Variants in GRAMD1B observed in about 807,000 individuals in gnomAD.
GRAMD1B encodes the protein protein Aster-B.
In GRAMD1B, 37 loss-of-function variants were observed where a neutral mutation model predicts 99.7. The observed-to-expected ratio is 0.37, with a 90% CI of 0.29 to 0.49. The LOEUF (loss-of-function observed/expected upper bound fraction) is 0.49. GRAMD1B is among the 20% of genes least tolerant of loss of function. The pLI is 0.98. For synonymous variants in GRAMD1B, 427 were observed against 387.6 expected, an observed-to-expected ratio of 1.10 and a Z score of -1.19; for missense variants, 888 against 1,009.2, an observed-to-expected ratio of 0.88 and a Z score of 1.63.
At position 123,513,578 on chromosome 11, in the gene GRAMD1B, T is replaced by TTTCCTTCCTTCCTTCCTTCCTTCC. The variant is rs779709381; in HGVS notation, c.452+32704_452+32727dup. On this transcript the variant is annotated intron_variant, in intron 2 of 19. Coordinates refer to ENST00000635736, the MANE Select transcript of GRAMD1B (RefSeq NM_001387025.1). ...TTTCCTTCCTTCCTTCCTTCCTTCC[T>TTTCCTTCCTTCCTTCCTTCCTTCC]TTCCTTCCTTCCTTCCTTCCTTCCT... Among the ~76,000 whole-genome samples, 41 of 41,686 alleles carry TTTCCTTCCTTCCTTCCTTCCTTCC rather than the reference T, an allele frequency of 9.8e-4. 1 individual carries two copies. The highest frequency in any genetic ancestry group is 9.3e-3 in the South Asian group (8 of 862). The allele number at this position is 41,686 out of a possible 152,430, so 27.3% of individuals were successfully genotyped here. A position where few individuals can be genotyped will look rare whatever the true frequency, so the allele number is the denominator to read the frequency against.
chr11:123,421,911 T>C (rs2136031603), intron 1 of GRAMD1B, among the ~76,000 whole-genome samples: 1 of 152,320 alleles, frequency 6.6e-6, no homozygotes, highest in Middle Eastern at 3.4e-3. Flanking sequence ...AAACAAATGA[T>C]TTGAATTATA....
chr11:123,528,136 A>C (rs1017701107), intron 2 of GRAMD1B, among the ~76,000 whole-genome samples: 2 of 152,120 alleles, frequency 1.3e-5, no homozygotes, highest in African/African-American at 4.8e-5. Context: ...TCCCTTTGGC[A>C]GTATCCCAAC....
chr11:123,610,309 C>G lies in GRAMD1B; in HGVS notation c.1890C>G (p.Thr630=), dbSNP rs1159435322. 2 of 1,613,934 alleles carry G rather than the reference C, an allele frequency of 1.2e-6. No individual in the cohort carries two copies. Among genetic ancestry groups the G allele is most frequent in the Non-Finnish European group, 1.7e-6 (2 of 1,179,826 alleles). Reference sequence around the variant, plus strand: ...ACACAATCAATCGCTACACGCTCACCCGTGTGGCTCGGAACAAGAGCCGAC... The same window carrying G: ...ACACAATCAATCGCTACACGCTCACGCGTGTGGCTCGGAACAAGAGCCGAC... ...YFYTINRYTL[T]RVARNKSRLR... Residue 630 remains threonine, a synonymous_variant, in exon 14 of 20, where the codon ACC becomes ACG. Transcript: ENST00000635736. The surrounding 1 kb of genome is among the most constrained non-coding windows in gnomAD (Gnocchi z 4.1).
In GRAMD1B at chr11:123,396,129, A is replaced by C. The variant is rs552395188; in HGVS notation, c.-176+37330A>C. On this transcript the variant is annotated intron_variant, in intron 1 of 20. Transcript: ENST00000638157. ...CTCCTTGGCTTCCCTGACCCACCAG[A>C]CTCCTCCATGGAAAAGTCCTCTTGC... Among the ~76,000 whole-genome samples the C allele has an allele frequency of 2.0e-5, 3 of 147,696 alleles. No individual in the cohort carries two copies. The East Asian group carries it at 6.0e-4, about 29-fold the overall frequency.
intron 7 of GRAMD1B, chr11:123,599,005 T>C (rs1214445619): frequency 4.6e-6 from 5 of 1,087,008 alleles, no homozygotes; most frequent in Non-Finnish European, 7.1e-6. Flanking sequence ...TTCAGGTTAA[T>C]GTACTTGAGG....
chr11:123,462,283 C>T (rs1391003199), intron 1 of GRAMD1B, among the ~76,000 whole-genome samples: 2 of 152,142 alleles, frequency 1.3e-5, no homozygotes, highest in Non-Finnish European at 2.9e-5. Context: ...TTGTTTATTT[C>T]TATGGTTTCA....
intron 1 of GRAMD1B, among the ~76,000 whole-genome samples, chr11:123,382,504 T>C (rs1946912499): frequency 6.6e-6 from 1 of 152,188 alleles, no homozygotes; most frequent in Non-Finnish European, 1.5e-5. Context: ...AGAACTCTCT[T>C]ATATTGTGAA....
At chr11:123,453,384 C>T (rs1354075151) in intron 1 of GRAMD1B, among the ~76,000 whole-genome samples, 1 of 151,920 alleles carries the variant, frequency 6.6e-6, no homozygotes, top group African/African-American at 2.4e-5. Context: ...TGGTGCAATC[C>T]TGGCTCACTG....
chr11:123,485,745 C>CG (rs1242088776), intron 2 of GRAMD1B, among the ~76,000 whole-genome samples: 3 of 133,988 alleles, frequency 2.2e-5, no homozygotes, highest in Admixed American at 8.1e-5. Context: ...GAGACAGAAT[C>CG]TTGCTCTGTT....
At chr11:123,576,340 C>T (rs1407525687) in intron 2 of GRAMD1B, among the ~76,000 whole-genome samples, 2 of 152,212 alleles carry the variant, frequency 1.3e-5, no homozygotes, top group Non-Finnish European at 2.9e-5. Context: ...CCCCAGCAGC[C>T]CCGTGCAGGC....
intron 1 of GRAMD1B, among the ~76,000 whole-genome samples, chr11:123,404,808 C>A (rs927615428): frequency 1.3e-5 from 2 of 152,254 alleles, no homozygotes; most frequent in Admixed American, 1.3e-4. Flanking sequence ...CGTTAAGAGA[C>A]AAACGCAGCC....
intron 1 of GRAMD1B, among the ~76,000 whole-genome samples, chr11:123,385,064 A>G (rs1028402126): frequency 6.6e-5 from 10 of 152,188 alleles, no homozygotes; most frequent in African/African-American, 2.2e-4. Flanking sequence ...CTCAAATTCA[A>G]TTCATCTGAC....
At chr11:123,530,834 T>C (rs1943284613) in intron 2 of GRAMD1B, among the ~76,000 whole-genome samples, 1 of 152,186 alleles carries the variant, frequency 6.6e-6, no homozygotes, top group African/African-American at 2.4e-5. Flanking sequence ...GCTTGAGACT[T>C]TGGAGAGCTG....
intron 3 of GRAMD1B, among the ~76,000 whole-genome samples, chr11:123,583,267 ATG>A (rs1491187253): frequency 2.5e-4 from 34 of 138,528 alleles, no homozygotes; most frequent in East Asian, 6.6e-4. Flanking sequence ...GCACATGCGC[ATG>A]TGTGTGTGCA....
intron 1 of GRAMD1B, among the ~76,000 whole-genome samples, chr11:123,433,028 G>A (rs1948972717): frequency 6.6e-6 from 1 of 152,096 alleles, no homozygotes; most frequent in Non-Finnish European, 1.5e-5. Flanking sequence ...AGGGAAATGG[G>A]GCAAGCTTGG....
chr11:123,616,940 G>A (rs1954488366), intron 17 of GRAMD1B, among the ~76,000 whole-genome samples: 1 of 152,162 alleles, frequency 6.6e-6, no homozygotes, highest in African/African-American at 2.4e-5. Context: ...CAACATAAAA[G>A]TTTTAAAGGC....
At chr11:123,408,872 A>G (rs1947944676) in intron 1 of GRAMD1B, among the ~76,000 whole-genome samples, 1 of 152,250 alleles carries the variant, frequency 6.6e-6, no homozygotes, top group African/African-American at 2.4e-5. Flanking sequence ...TTTCTAAGCT[A>G]GACCTCTGAA....
chr11:123,448,247 G>A (rs1949727144), intron 1 of GRAMD1B, among the ~76,000 whole-genome samples: 1 of 150,262 alleles, frequency 6.7e-6, no homozygotes, highest in African/African-American at 2.5e-5. Context: ...CCTCCCCCTT[G>A]TACTATTTTT....
At chr11:123,468,439 A>G in intron 1 of GRAMD1B, among the ~76,000 whole-genome samples, 1 of 152,168 alleles carries the variant, frequency 6.6e-6, no homozygotes, top group East Asian at 1.9e-4. Context: ...GTATGGTAGA[A>G]GGTTTAGGGA....
Sources: allele counts gnomAD v4.1 joint callset (sites outside exome capture counted in the v4.1 genomes callset), GRCh38; gene constraint gnomAD v4.1.1; non-coding constraint Gnocchi (gnomAD v3.1); transcripts MANE v1.5; gene names NCBI Gene and HGNC (gene_info 2026-07-23, HGNC 2026-07-21).